The following ZYG11B variants were observed in gnomAD, a reference collection of about 807,000 sequenced individuals.
ZYG11B encodes the protein protein zyg-11 homolog B.
Under a neutral mutation model 82.4 loss-of-function variants are expected in ZYG11B, and 36 were observed. The ratio of observed to expected loss-of-function variants is 0.44; its 90% confidence interval spans 0.33 to 0.58. ZYG11B has a LOEUF of 0.58. Among genes scored for constraint, ZYG11B ranks in the 20% least tolerant of loss-of-function variants. ZYG11B has a pLI of 0.02. For synonymous variants in ZYG11B, 303 were observed against 312.8 expected, an observed-to-expected ratio of 0.97 and a Z score of 0.33; for missense variants, 552 against 895.6, an observed-to-expected ratio of 0.62 and a Z score of 4.90.
At chr1:52,797,367 AATAT>A (rs1210097461) in intron 8 of ZYG11B, among the ~76,000 whole-genome samples, 1 of 20,940 alleles carries the variant, frequency 4.8e-5, no homozygotes, top group Non-Finnish European at 5.9e-5. Context: ...TAATACATAT[AATAT>A]ATAATATATA....
At position 52,784,905 on chromosome 1, in the gene ZYG11B, C is replaced by T; in HGVS notation, c.1121C>T (p.Pro374Leu). 1 of 1,613,606 alleles carries T rather than the reference C, an allele frequency of 6.2e-7. No homozygotes were observed. Among genetic ancestry groups the T allele is most frequent in the Non-Finnish European group, 8.5e-7 (1 of 1,179,898 alleles). Residue 374 changes from proline (P) to leucine (L), a missense_variant, in exon 5 of 14, where the codon CCT becomes CTT. Physicochemically the swap from Pro to Leu is moderately conservative, Grantham distance 98. Transcript: ENST00000294353. ...GTGGTTACTGGGATGAGAAACCACC[C>T]TATGAATTTGCCAGTGCAACTGGCT... ...KLVVTGMRNH[P>L]MNLPVQLAAS...
chr1:52,799,993 T>G (rs1208715293), intron 8 of ZYG11B, among the ~76,000 whole-genome samples: 1 of 152,026 alleles, frequency 6.6e-6, no homozygotes, highest in Admixed American at 6.5e-5. Flanking sequence ...TTATGAAGAT[T>G]AAATGAAAAG....
rs1301408634 is a variant in ZYG11B at position 52,727,760 on chromosome 1, A to G, written c.30+1077A>G. ...TTTGCAAATTTTCTTTCTGTCTGAA[A>G]ATAGGTTGAGGCTTCAGTTGGTTTT... On this transcript the variant is annotated intron_variant, in intron 1 of 13. Coordinates refer to ENST00000294353, the MANE Select transcript of ZYG11B (RefSeq NM_024646.3). 3.9e-5 allele frequency among the ~76,000 whole-genome samples: 6 copies of G among 152,206 alleles called. No homozygotes were observed. In the East Asian group the frequency reaches 1.2e-3, roughly 29 times the overall value.
At chr1:52,814,800 A>G (rs1475956504) in intron 12 of ZYG11B, among the ~76,000 whole-genome samples, 2 of 152,206 alleles carry the variant, frequency 1.3e-5, no homozygotes, top group African/African-American at 4.8e-5. Flanking sequence ...TTTTAGGAAG[A>G]AAAAGCATCG....
chr1:52,779,731 C>G lies in ZYG11B; in HGVS notation c.952-122C>G, dbSNP rs1039488546. ...TCTCGAACTCCTGACTTCACATGATCCACCCACCTTGGCCTCCCAAAGTAC... is the reference window on the plus strand; with the variant it reads ...TCTCGAACTCCTGACTTCACATGATGCACCCACCTTGGCCTCCCAAAGTAC... On this transcript the variant is annotated intron_variant, in intron 3 of 13. Transcript: ENST00000294353. 21 of 1,177,830 alleles carry G rather than the reference C, an allele frequency of 1.8e-5. No individual in the cohort carries two copies. In the African/African-American group the frequency reaches 2.6e-4, roughly 15 times the overall value. 73.0% of individuals were successfully genotyped at this position (1,177,830 alleles called of 1,614,324 possible). A position where few individuals can be genotyped will look rare whatever the true frequency, so the allele number is the denominator to read the frequency against.
chr1:52,787,664 A>G (rs1044121812), intron 5 of ZYG11B, among the ~76,000 whole-genome samples: 2 of 152,248 alleles, frequency 1.3e-5, no homozygotes, highest in African/African-American at 2.4e-5. Context: ...AGACTTACAG[A>G]ATCATCTATA....
chr1:52,757,113 C>G (rs925658257), intron 2 of ZYG11B, among the ~76,000 whole-genome samples: 5 of 151,800 alleles, frequency 3.3e-5, no homozygotes, highest in Non-Finnish European at 5.9e-5. Context: ...GCACAAAACT[C>G]CTGGGCTCAT....
At chr1:52,769,897 C>A (rs1357904828) in intron 2 of ZYG11B, among the ~76,000 whole-genome samples, 2 of 151,986 alleles carry the variant, frequency 1.3e-5, no homozygotes, top group Non-Finnish European at 2.9e-5. Context: ...ACTTCTTTCA[C>A]AGTCAATGTT....
chr1:52,727,851 A>G (rs1052992528), intron 1 of ZYG11B, among the ~76,000 whole-genome samples: 3 of 152,338 alleles, frequency 2.0e-5, no homozygotes, highest in East Asian at 3.9e-4. Flanking sequence ...ATCATATGCA[A>G]CAAGCTAAAT....
Position 52,821,564 on chromosome 1 carries a change from A to G in ZYG11B, c.2170A>G (p.Lys724Glu), listed in dbSNP as rs374941109. ...TGTGGCCATTCTGGATAGCTTAGAA[A>G]AACACATTGTGCGCCATGGGAGGCC... ...IAVAILDSLEKHIVRHGRPPP... is the reference protein window; with the variant it reads ...IAVAILDSLEEHIVRHGRPPP... The change falls in exon 14 of 14, where the codon AAA (lysine) becomes GAA (glutamate). Residue 724 changes from lysine to glutamate, a missense_variant. Transcript: ENST00000294353. The G allele has an allele frequency of 1.2e-6, 2 of 1,614,056 alleles. No homozygotes were observed. Among genetic ancestry groups the G allele is most frequent in the African/African-American group, 2.7e-5 (2 of 74,940 alleles).
At chr1:52,816,672 G>A (rs1645226884) in intron 13 of ZYG11B, 43 bp downstream of exon 13, 2 of 1,379,134 alleles carry the variant, frequency 1.5e-6, no homozygotes, top group African/African-American at 2.9e-5. Context: ...TTCTTTAAGT[G>A]AAATTCTCAT....
intron 6 of ZYG11B, among the ~76,000 whole-genome samples, chr1:52,790,766 C>A (rs1571781361): frequency 8.4e-6 from 1 of 119,344 alleles, no homozygotes; most frequent in Admixed American, 9.1e-5. Context: ...ATTCTAGGTC[C>A]AGTGTTCTTT....
intron 13 of ZYG11B, among the ~76,000 whole-genome samples, chr1:52,818,952 C>A (rs1471164546): frequency 6.6e-6 from 1 of 152,016 alleles, no homozygotes; most frequent in Non-Finnish European, 1.5e-5. Context: ...CGCCACCATG[C>A]CCAGCTAATT....
chr1:52,732,775 G>A (rs1321056509), intron 1 of ZYG11B, among the ~76,000 whole-genome samples: 1 of 150,380 alleles, frequency 6.6e-6, no homozygotes, highest in Admixed American at 6.7e-5. Context: ...AAAAAAAAAG[G>A]CCACCCTGGC....
intron 10 of ZYG11B, among the ~76,000 whole-genome samples, chr1:52,810,245 T>C (rs937244816): frequency 6.6e-6 from 1 of 152,184 alleles, no homozygotes; most frequent in Non-Finnish European, 1.5e-5. Flanking sequence ...GTGATGAGAA[T>C]ATGTGAGAAC....
intron 5 of ZYG11B, 56 bp downstream of exon 5, chr1:52,785,109 C>G (rs1644902341): frequency 1.2e-5 from 19 of 1,550,614 alleles, no homozygotes; most frequent in Non-Finnish European, 1.7e-5. Context: ...CTACTCATCT[C>G]CTACAGTTCA....
intron 4 of ZYG11B, among the ~76,000 whole-genome samples, chr1:52,782,896 C>T (rs1273237808): frequency 1.3e-5 from 2 of 151,116 alleles, no homozygotes; most frequent in Non-Finnish European, 2.9e-5. Context: ...CCTGTAATTA[C>T]AGGCATGAGC....
At chr1:52,759,701 T>C (rs1234915915) in intron 2 of ZYG11B, among the ~76,000 whole-genome samples, 1 of 152,210 alleles carries the variant, frequency 6.6e-6, no homozygotes, top group East Asian at 1.9e-4. Flanking sequence ...ACTGAGAATA[T>C]GCAAAGAAAC....
At chr1:52,794,827 A>G (rs1325938454) in intron 6 of ZYG11B, among the ~76,000 whole-genome samples, 1 of 152,220 alleles carries the variant, frequency 6.6e-6, no homozygotes, top group Non-Finnish European at 1.5e-5. Flanking sequence ...AAATTTATCC[A>G]GAATTCATCC....
Sources: allele counts gnomAD v4.1 joint callset (sites outside exome capture counted in the v4.1 genomes callset), GRCh38; gene constraint gnomAD v4.1.1; transcripts MANE v1.5; gene names NCBI Gene and HGNC (gene_info 2026-07-23, HGNC 2026-07-21).